GALNT14: variants seen among roughly 807,000 people sequenced by gnomAD.
GALNT14 encodes UDP-GalNAc:polypeptide N-acetylgalactosaminyltransferase 14.
In GALNT14, 60 loss-of-function variants were observed where a neutral mutation model predicts 77.5. The ratio of observed to expected loss-of-function variants is 0.77; its 90% CI spans 0.63 to 0.96. The LOEUF (loss-of-function observed/expected upper bound fraction) is 0.96, where lower values mean the gene tolerates loss of function less well. GALNT14 is among the 40% of genes least tolerant of loss of function. GALNT14 has a pLI of 0.00. For synonymous variants in GALNT14, 280 were observed against 281.7 expected, an observed-to-expected ratio of 0.99 and a Z score of 0.06; for missense variants, 710 against 731.0, an observed-to-expected ratio of 0.97 and a Z score of 0.33.
At chr2:30,897,481 G>A in the GALNT14 span, among the ~76,000 whole-genome samples, 1 of 152,194 alleles carries the variant, frequency 6.6e-6, no homozygotes, top group South Asian at 2.1e-4. Context: ...AGCTGAACTC[G>A]TGGGTCAGAC....
intron 1 of GALNT14, among the ~76,000 whole-genome samples, chr2:31,111,723 C>T (rs979722155): frequency 3.3e-5 from 5 of 152,162 alleles, no homozygotes; most frequent in Admixed American, 2.6e-4. Flanking sequence ...AAGTGAGATG[C>T]TGCAGGTAAA....
chr2:30,985,394 CA>C (rs1312314650), intron 2 of GALNT14, among the ~76,000 whole-genome samples: 2 of 152,146 alleles, frequency 1.3e-5, no homozygotes, highest in East Asian at 3.9e-4. Context: ...TCAAGGAAAT[CA>C]GGAGATCAAG....
At chr2:31,066,810 C>T (rs1169968054) in intron 1 of GALNT14, among the ~76,000 whole-genome samples, 2 of 151,950 alleles carry the variant, frequency 1.3e-5, no homozygotes, top group African/African-American at 2.4e-5. Context: ...ATGCCAGCCT[C>T]CTGAGCTGGG....
intron 1 of GALNT14, chr2:31,065,360 A>C (rs1157994373): frequency 6.6e-6 from 1 of 152,190 alleles, no homozygotes; most frequent in Non-Finnish European, 1.5e-5. Context: ...CTGATGGAAC[A>C]GTGATGTGAA....
intron 1 of GALNT14, chr2:31,129,753 T>C: frequency 1.6e-6 from 1 of 617,204 alleles, no homozygotes; most frequent in Non-Finnish European, 2.0e-6. Flanking sequence ...ATGATTACTG[T>C]TCTCTGAGGA....
intron 1 of GALNT14, among the ~76,000 whole-genome samples, chr2:31,110,508 C>T (rs1677780586): frequency 6.6e-6 from 1 of 152,226 alleles, no homozygotes; most frequent in South Asian, 2.1e-4. Context: ...TGCATGAAGA[C>T]TGTGGCCATA....
intron 3 of GALNT14, 70 bp downstream of exon 3, chr2:30,966,134 C>G: frequency 8.2e-7 from 1 of 1,213,472 alleles, no homozygotes; most frequent in South Asian, 1.3e-5. Flanking sequence ...CGCTGGGCAC[C>G]TGGGGAGCAG....
At chr2:31,040,195 A>C (rs1028258903) in intron 1 of GALNT14, among the ~76,000 whole-genome samples, 4 of 152,230 alleles carry the variant, frequency 2.6e-5, no homozygotes. Flanking sequence ...AAAATAATGT[A>C]GATAGTAAGA....
At chr2:30,988,994 C>T (rs551558006) in intron 2 of GALNT14, among the ~76,000 whole-genome samples, 2 of 152,110 alleles carry the variant, frequency 1.3e-5, no homozygotes, top group African/African-American at 2.4e-5. Context: ...TGTGGACTCA[C>T]GGGCCCCATC....
At chr2:30,904,546 G>C in the GALNT14 span, among the ~76,000 whole-genome samples, 1 of 152,234 alleles carries the variant, frequency 6.6e-6, no homozygotes, top group East Asian at 1.9e-4. Context: ...CCCACACCTG[G>C]CTTGGAGGGT....
At chr2:30,916,194 A>T (rs1207873607) in intron 13 of GALNT14, among the ~76,000 whole-genome samples, 1 of 152,248 alleles carries the variant, frequency 6.6e-6, no homozygotes, top group Admixed American at 6.5e-5. Context: ...TTAATCACTT[A>T]TGTCTTTAGA....
At chr2:31,057,100 C>G (rs1362727614) in intron 1 of GALNT14, among the ~76,000 whole-genome samples, 1 of 151,816 alleles carries the variant, frequency 6.6e-6, no homozygotes, top group East Asian at 1.9e-4. Context: ...GATACAAAGA[C>G]AGCAACAATA....
At chr2:31,123,552 G>A (rs145645274) in intron 1 of GALNT14, among the ~76,000 whole-genome samples, 26 of 152,198 alleles carry the variant, frequency 1.7e-4, no homozygotes, top group African/African-American at 5.1e-4. Flanking sequence ...AGTGGATTGC[G>A]GCAAATGCTT....
At chr2:30,953,110 C>T (rs370199577) in intron 6 of GALNT14, among the ~76,000 whole-genome samples, 8 of 152,088 alleles carry the variant, frequency 5.3e-5, no homozygotes, top group African/African-American at 1.7e-4. Flanking sequence ...TAACATACTC[C>T]GGTTTCCTTT....
intron 2 of GALNT14, among the ~76,000 whole-genome samples, chr2:30,983,182 G>T (rs1481969140): frequency 1.3e-5 from 2 of 152,148 alleles, no homozygotes; most frequent in Non-Finnish European, 2.9e-5. Flanking sequence ...TGCCTCCTGT[G>T]GAAAGTGATC....
chr2:30,916,734 TG>T (rs1198295867), intron 13 of GALNT14, among the ~76,000 whole-genome samples: 1 of 151,928 alleles, frequency 6.6e-6, no homozygotes, highest in African/African-American at 2.4e-5. Flanking sequence ...GCCTGGGGCT[TG>T]TGGTCTTGCA....
chr2:31,006,447 T>G (rs1200767132), intron 1 of GALNT14, among the ~76,000 whole-genome samples: 1 of 152,128 alleles, frequency 6.6e-6, no homozygotes, highest in Non-Finnish European at 1.5e-5. Flanking sequence ...GTGCTTCTAT[T>G]AATCCCATTT....
Position 30,932,077 on chromosome 2 carries a change from G to A in GALNT14, c.1049C>T (p.Thr350Met), listed in dbSNP as rs201271515. The stretch of plus-strand genomic sequence containing the variant: ...GCCCCTGGGCACTTACTTTATATAC[G>A]TGTTGGCATTTCCATCAGGGAAAAC... ...PYVFPDGNANTYIKNTKRTAE... is the reference protein window; with the variant it reads ...PYVFPDGNANMYIKNTKRTAE... Residue 350 changes from threonine to methionine, a missense_variant, in exon 10 of 15, where the codon ACG becomes ATG. Physicochemically the swap from Thr to Met is moderately conservative, Grantham distance 81. Coordinates refer to ENST00000349752, the MANE Select transcript of GALNT14 (RefSeq NM_024572.4). 8.4e-5 allele frequency: 131 copies of A among 1,565,420 alleles called. 1 individual carries two copies. The highest frequency in any genetic ancestry group is 1.1e-4 in the Non-Finnish European group (125 of 1,155,766).
intron 1 of GALNT14, among the ~76,000 whole-genome samples, chr2:31,015,193 G>A (rs1671275485): frequency 1.3e-5 from 2 of 151,834 alleles, no homozygotes; most frequent in African/African-American, 4.8e-5. Flanking sequence ...TTGGGAGGCT[G>A]AGGCAGGAGA....
Sources: gnomAD v4.1 joint callset for allele counts (sites outside exome capture counted in the v4.1 genomes callset) on GRCh38, gnomAD v4.1.1 for gene constraint, MANE v1.5 for transcripts, NCBI Gene and HGNC (gene_info 2026-07-23, HGNC 2026-07-21) for gene names.